SYNE2: variants seen among roughly 807,000 people sequenced by gnomAD.
SYNE2 encodes the protein spectrin repeat containing nuclear envelope protein 2.
Under a neutral mutation model 856.3 loss-of-function variants are expected in SYNE2, and 431 were observed. The observed-to-expected ratio is 0.50, with a 90% CI of 0.47 to 0.55. SYNE2 has a LOEUF of 0.55. SYNE2 is among the 20% of genes least tolerant of loss of function. The pLI is 0.00. For synonymous variants in SYNE2, 2,923 were observed against 2,872.3 expected (o/e 1.02, Z -0.56); for missense variants, 8,129 against 8,023.2 (o/e 1.01, Z -0.50).
chr14:64,120,908 A>G lies in SYNE2; in HGVS notation c.13024-19A>G, dbSNP rs1185599319. The G allele has an allele frequency of 1.9e-6, 3 of 1,613,868 alleles. No individual in the cohort carries two copies. The highest frequency in any genetic ancestry group is 2.2e-5 in the South Asian group (2 of 91,068). On this transcript the variant is annotated intron_variant, in intron 67 of 115. Coordinates refer to ENST00000555002, the MANE Select transcript of SYNE2 (RefSeq NM_182914.3). ...TATTTTTAAAAATAAATAGCCTGCC[A>G]TTATGAAATGTTTTGCAGCATCCTA...
chr14:63,783,004 C>T (rs1887371168), intron 1 of SYNE2, among the ~76,000 whole-genome samples: 2 of 152,060 alleles, frequency 1.3e-5, no homozygotes, highest in Non-Finnish European at 2.9e-5. Flanking sequence ...GACAATCTGA[C>T]ATATGTCTCC....
At chr14:64,152,357 G>A (rs2098251235) in intron 84 of SYNE2, among the ~76,000 whole-genome samples, 1 of 152,174 alleles carries the variant, frequency 6.6e-6, no homozygotes, top group Non-Finnish European at 1.5e-5. Context: ...TGGTTCAGAC[G>A]TGTTGCCTAG....
intron 78 of SYNE2, 150 bp from the exon 79 acceptor site, chr14:64,137,637 C>G (rs1306326577): frequency 1.3e-6 from 1 of 785,968 alleles, no homozygotes; most frequent in African/African-American, 1.7e-5. Flanking sequence ...ATTAATCATG[C>G]ATCCAGTCAG....
At chr14:64,041,629 G>T (rs540149543) in intron 45 of SYNE2, among the ~76,000 whole-genome samples, 5 of 152,034 alleles carry the variant, frequency 3.3e-5, no homozygotes, top group Non-Finnish European at 5.9e-5. Flanking sequence ...CAGGAGGATT[G>T]CTTGAGCCCA....
chr14:64,182,946 TCC>T (rs1172271574), intron 96 of SYNE2, among the ~76,000 whole-genome samples: 1 of 152,082 alleles, frequency 6.6e-6, no homozygotes, highest in Non-Finnish European at 1.5e-5. Context: ...GCTCCTCACT[TCC>T]CAGAAGGGGC....
intron 10 of SYNE2, among the ~76,000 whole-genome samples, chr14:63,964,224 C>T (rs1402292519): frequency 1.3e-5 from 2 of 152,096 alleles, no homozygotes; most frequent in African/African-American, 4.8e-5. Context: ...GGGGCAGGGC[C>T]CAAGTTTTTG....
At chr14:63,942,791 G>A (rs1338364705) in intron 6 of SYNE2, among the ~76,000 whole-genome samples, 1 of 151,978 alleles carries the variant, frequency 6.6e-6, no homozygotes, top group Non-Finnish European at 1.5e-5. Context: ...CACCATGCCC[G>A]GCCTAATTTT....
chr14:63,958,326 G>A (rs1299636984), intron 8 of SYNE2, among the ~76,000 whole-genome samples: 3 of 152,138 alleles, frequency 2.0e-5, no homozygotes, highest in African/African-American at 4.8e-5. Context: ...CATATCTCCT[G>A]TGACTCCTCT....
At chr14:63,826,172 T>C (rs540270395) in intron 1 of SYNE2, among the ~76,000 whole-genome samples, 1 of 152,282 alleles carries the variant, frequency 6.6e-6, no homozygotes, top group South Asian at 2.1e-4. Flanking sequence ...GTAATCAAGA[T>C]AGTGTGGTAT....
chr14:64,028,505 T>G (rs1275225662), intron 43 of SYNE2, among the ~76,000 whole-genome samples: 3 of 152,146 alleles, frequency 2.0e-5, no homozygotes, highest in African/African-American at 7.2e-5. Flanking sequence ...TCCTCCTGCC[T>G]CAGCCTCTGG....
intron 11 of SYNE2, among the ~76,000 whole-genome samples, chr14:63,973,229 G>C (rs1595961699): frequency 6.6e-6 from 1 of 152,182 alleles, no homozygotes; most frequent in East Asian, 1.9e-4. Context: ...CTGGGAGACA[G>C]AGTGAGACTC....
intron 1 of SYNE2, among the ~76,000 whole-genome samples, chr14:63,767,509 G>C (rs559716173): frequency 6.6e-6 from 1 of 152,060 alleles, no homozygotes; most frequent in East Asian, 1.9e-4. Flanking sequence ...ATTAAAAATA[G>C]AGAATTTCAT....
chr14:64,155,335 T>G (rs1434204036), intron 85 of SYNE2, among the ~76,000 whole-genome samples: 1 of 152,068 alleles, frequency 6.6e-6, no homozygotes, highest in Non-Finnish European at 1.5e-5. Context: ...AACATTATGG[T>G]GAGTGAAAGA....
At chr14:63,785,194 C>G (rs551524908) in intron 1 of SYNE2, among the ~76,000 whole-genome samples, 1 of 152,234 alleles carries the variant, frequency 6.6e-6, no homozygotes, top group East Asian at 1.9e-4. Flanking sequence ...GGCACGGTGG[C>G]TCACACCTGT....
At chr14:63,831,961 CATTTTT>C (rs1889684338) in intron 1 of SYNE2, among the ~76,000 whole-genome samples, 1 of 151,916 alleles carries the variant, frequency 6.6e-6, no homozygotes, top group Non-Finnish European at 1.5e-5. Flanking sequence ...ATTCAAGAGA[CATTTTT>C]ATAGACACTG....
intron 1 of SYNE2, among the ~76,000 whole-genome samples, chr14:63,831,013 G>A (rs1453658489): frequency 6.6e-6 from 1 of 151,774 alleles, no homozygotes; most frequent in Non-Finnish European, 1.5e-5. Flanking sequence ...GCTAATTTTT[G>A]TATTTTTAGC....
At chr14:63,894,485 T>C (rs2076965008) in intron 1 of SYNE2, among the ~76,000 whole-genome samples, 2 of 152,104 alleles carry the variant, frequency 1.3e-5, no homozygotes, top group African/African-American at 4.8e-5. Context: ...GCCTCCAAAG[T>C]GCTGGGATTG....
chr14:63,933,154 ATAGAGTAGAG>A (rs1264267157), intron 2 of SYNE2, among the ~76,000 whole-genome samples: 1 of 152,216 alleles, frequency 6.6e-6, no homozygotes, highest in Admixed American at 6.5e-5. Flanking sequence ...AGGCTTCCTC[ATAGAGTAGAG>A]AACACTCTTG....
At chr14:63,765,806 C>T (rs1886659059) in intron 1 of SYNE2, among the ~76,000 whole-genome samples, 3 of 152,086 alleles carry the variant, frequency 2.0e-5, no homozygotes, top group Admixed American at 2.0e-4. Flanking sequence ...CATTAAGTTT[C>T]ATTTTGCATC....
Sources: allele counts gnomAD v4.1 joint callset (sites outside exome capture counted in the v4.1 genomes callset), GRCh38; gene constraint gnomAD v4.1.1; transcripts MANE v1.5; gene names NCBI Gene and HGNC (gene_info 2026-07-23, HGNC 2026-07-21).